The following XYLT1 variants were observed in gnomAD, a reference collection of about 807,000 sequenced individuals.
XYLT1 encodes xylosyltransferase 1.
Under a neutral mutation model 91.3 loss-of-function variants are expected in XYLT1, and 36 were observed. That is an observed-to-expected ratio of 0.39 (90% confidence interval 0.30 to 0.52). The LOEUF is 0.52. Among genes scored for constraint, XYLT1 ranks in the 20% least tolerant of loss-of-function variants. XYLT1 has a pLI of 0.68. For synonymous variants in XYLT1, 588 were observed against 532.0 expected (o/e 1.11, Z -1.45); for missense variants, 1,242 against 1,284.5 (o/e 0.97, Z 0.51).
chr16:17,387,589 T>A (rs935362490), intron 1 of XYLT1, among the ~76,000 whole-genome samples: 6 of 152,166 alleles, frequency 3.9e-5, no homozygotes, highest in Non-Finnish European at 8.8e-5. Context: ...CTGCAGTGGC[T>A]CACCACTGCC....
intron 6 of XYLT1, among the ~76,000 whole-genome samples, chr16:17,155,771 T>C (rs1259499805): frequency 6.6e-6 from 1 of 152,186 alleles, no homozygotes; most frequent in Non-Finnish European, 1.5e-5. Context: ...AAGAGGCCTT[T>C]GGGTTTTAGG....
chr16:17,177,087 A>T (rs1542421), intron 5 of XYLT1, among the ~76,000 whole-genome samples: 2 of 151,938 alleles, frequency 1.3e-5, no homozygotes, highest in Admixed American at 6.5e-5. Context: ...TTTACCACAG[A>T]AGCCATGTTT....
chr16:17,268,007 G>A (rs1171206694), intron 2 of XYLT1, among the ~76,000 whole-genome samples: 1 of 152,124 alleles, frequency 6.6e-6, no homozygotes, highest in African/African-American at 2.4e-5. Context: ...GTGTGGTCTG[G>A]GAACTGTTGG....
At chr16:17,247,699 T>C (rs2033463324) in intron 3 of XYLT1, among the ~76,000 whole-genome samples, 1 of 152,138 alleles carries the variant, frequency 6.6e-6, no homozygotes, top group Non-Finnish European at 1.5e-5. Context: ...CTTTTGAGTT[T>C]GGTTCAAAGG....
At chr16:17,336,007 G>C (rs2034974334) in intron 2 of XYLT1, among the ~76,000 whole-genome samples, 1 of 152,330 alleles carries the variant, frequency 6.6e-6, no homozygotes. Flanking sequence ...GGCTGCAACA[G>C]AGAAGTTGAG....
At chr16:17,112,192 T>A (rs2141478555) in intron 11 of XYLT1, among the ~76,000 whole-genome samples, 1 of 152,316 alleles carries the variant, frequency 6.6e-6, no homozygotes, top group South Asian at 2.1e-4. Flanking sequence ...GCGATGCTCG[T>A]CTCTATAATT....
intron 2 of XYLT1, among the ~76,000 whole-genome samples, chr16:17,277,452 C>T (rs1003378807): frequency 5.9e-5 from 9 of 152,068 alleles, no homozygotes; most frequent in East Asian, 1.9e-4. Flanking sequence ...TGCAGTGGCG[C>T]GATCTCCAAT....
chr16:17,386,189 T>C (rs1031453870), intron 1 of XYLT1, among the ~76,000 whole-genome samples: 5 of 152,218 alleles, frequency 3.3e-5, no homozygotes, highest in Non-Finnish European at 7.3e-5. Flanking sequence ...TACCCAAATG[T>C]GAAAAGCACC....
chr16:17,126,347 A>G (rs900484702), intron 10 of XYLT1, among the ~76,000 whole-genome samples: 1 of 152,194 alleles, frequency 6.6e-6, no homozygotes, highest in Non-Finnish European at 1.5e-5. Flanking sequence ...AATGTTGTCA[A>G]TTGGCTGCTC....
chr16:17,264,797 C>A (rs2033777875), intron 2 of XYLT1, among the ~76,000 whole-genome samples: 1 of 152,206 alleles, frequency 6.6e-6, no homozygotes, highest in African/African-American at 2.4e-5. Flanking sequence ...ACCGAGGCTA[C>A]ACTGCTAGTA....
intron 10 of XYLT1, among the ~76,000 whole-genome samples, chr16:17,120,761 T>C (rs959453104): frequency 1.3e-4 from 20 of 152,174 alleles, no homozygotes; most frequent in Non-Finnish European, 7.3e-5. Flanking sequence ...CCAATATGTC[T>C]CTAGTGTCTG....
At chr16:17,171,646 G>C (rs2031822220) in intron 5 of XYLT1, among the ~76,000 whole-genome samples, 1 of 152,194 alleles carries the variant, frequency 6.6e-6, no homozygotes, top group South Asian at 2.1e-4. Context: ...ACAGTTCCTA[G>C]GCAAAGAAAA....
Position 17,470,888 on chromosome 16 carries a change from C to G in XYLT1, c.-92G>C. On this transcript the variant is annotated 5_prime_UTR_variant, in exon 1 of 12. Coordinates refer to ENST00000261381, the MANE Select transcript of XYLT1 (RefSeq NM_022166.4). ...CCGCAGCTCCCGCGGCCGCCGGCTGCCGCTCGGGCTCCCGCTCGGGCCGCC... is the reference window on the plus strand; with the variant it reads ...CCGCAGCTCCCGCGGCCGCCGGCTGGCGCTCGGGCTCCCGCTCGGGCCGCC... The G allele has an allele frequency of 7.2e-6, 7 of 971,264 alleles. No homozygotes were observed. Among genetic ancestry groups the G allele is most frequent in the East Asian group, 1.2e-4 (1 of 8,690 alleles). 60.2% of individuals were successfully genotyped at this position (971,264 alleles called of 1,614,324 possible).
intron 11 of XYLT1, among the ~76,000 whole-genome samples, chr16:17,116,341 T>C (rs1269713654): frequency 6.6e-6 from 1 of 152,248 alleles, no homozygotes; most frequent in African/African-American, 2.4e-5. Context: ...ATTTCATGTT[T>C]CATTTCCTAA....
At chr16:17,292,646 G>T (rs893416611) in intron 2 of XYLT1, among the ~76,000 whole-genome samples, 11 of 152,214 alleles carry the variant, frequency 7.2e-5, no homozygotes, top group African/African-American at 2.7e-4. Flanking sequence ...AACCACTTTG[G>T]TAGGAGACGA....
chr16:17,372,321 TTTTCAACACATTTTACA>T, intron 1 of XYLT1, among the ~76,000 whole-genome samples: 2 of 152,224 alleles, frequency 1.3e-5, no homozygotes, highest in Admixed American at 1.3e-4. Flanking sequence ...CTTTTCAATC[TTTTCAACACATTTTACA>T]GCTGCAGACT....
intron 11 of XYLT1, 69 bp downstream of exon 11, chr16:17,117,577 C>G: frequency 6.5e-7 from 1 of 1,526,878 alleles, no homozygotes; most frequent in East Asian, 2.3e-5. Flanking sequence ...TGCTGCCTAC[C>G]AACACCAAAG....
chr16:17,437,289 T>C (rs990632011), intron 1 of XYLT1, among the ~76,000 whole-genome samples: 2 of 152,176 alleles, frequency 1.3e-5, no homozygotes, highest in Non-Finnish European at 2.9e-5. Context: ...TGGGCCCGTG[T>C]AGGGTACAAG....
intron 3 of XYLT1, among the ~76,000 whole-genome samples, chr16:17,258,636 C>T (rs1231912628): frequency 1.3e-5 from 2 of 152,168 alleles, no homozygotes; most frequent in African/African-American, 4.8e-5. Flanking sequence ...ATATTCATAT[C>T]AATTCTAATC....
Sources: gnomAD v4.1 joint callset for allele counts (sites outside exome capture counted in the v4.1 genomes callset) on GRCh38, gnomAD v4.1.1 for gene constraint, MANE v1.5 for transcripts, NCBI Gene and HGNC (gene_info 2026-07-23, HGNC 2026-07-21) for gene names.